CDH8: variants seen among roughly 807,000 people sequenced by gnomAD.
CDH8 encodes cadherin-8.
A neutral mutation model predicts 68.1 loss-of-function variants in CDH8; 17 were observed. The observed-to-expected ratio is 0.25, with a 90% CI of 0.17 to 0.37. The LOEUF is 0.37. Among genes scored for constraint, CDH8 ranks in the 10% least tolerant of loss-of-function variants. CDH8 has a pLI of 1.00. For missense variants in CDH8, 763 were observed against 999.3 expected, an observed-to-expected ratio of 0.76 and a Z score of 3.19; for synonymous variants, 372 against 365.1, an observed-to-expected ratio of 1.02 and a Z score of -0.21.
At chr16:61,886,452 C>T (rs1287912740) in intron 3 of CDH8, among the ~76,000 whole-genome samples, 1 of 152,202 alleles carries the variant, frequency 6.6e-6, no homozygotes, top group African/African-American at 2.4e-5. Flanking sequence ...CCAAGGCATC[C>T]AGCAGACTAC....
intron 3 of CDH8, among the ~76,000 whole-genome samples, chr16:61,862,470 A>C (rs570069596): frequency 2.6e-5 from 4 of 152,300 alleles, no homozygotes; most frequent in African/African-American, 9.6e-5. Flanking sequence ...CCATGTACTC[A>C]TCCAGAATAT....
chr16:61,677,036 T>C (rs1179411566), intron 10 of CDH8, among the ~76,000 whole-genome samples: 1 of 151,978 alleles, frequency 6.6e-6, no homozygotes, highest in Admixed American at 6.6e-5. Flanking sequence ...AAAGATGGCT[T>C]TTTATAAACC....
At position 62,005,300 on chromosome 16, in the gene CDH8, A is replaced by G. The variant is rs576068067; in HGVS notation, c.252+15852T>C. Among the ~76,000 whole-genome samples, 5 of 152,314 alleles carry G rather than the reference A, an allele frequency of 3.3e-5. No homozygotes were observed. In the South Asian group the frequency reaches 6.2e-4, roughly 19 times the overall value. On this transcript the variant is annotated intron_variant, in intron 2 of 11. Coordinates refer to ENST00000577390, the MANE Select transcript of CDH8 (RefSeq NM_001796.5). ...AACATTAGCAAAAGAATTATCCAAT[A>G]TTCTTGCATGTGTGGTTTCCTGGCC...
At chr16:62,025,713 T>C (rs1902183660) in intron 1 of CDH8, among the ~76,000 whole-genome samples, 1 of 152,188 alleles carries the variant, frequency 6.6e-6, no homozygotes, top group Non-Finnish European at 1.5e-5. Flanking sequence ...TTTGAAATAT[T>C]TATTTTTAAA....
chr16:61,694,153 A>G (rs1377874434), intron 10 of CDH8, among the ~76,000 whole-genome samples: 1 of 152,114 alleles, frequency 6.6e-6, no homozygotes, highest in East Asian at 1.9e-4. Flanking sequence ...TGTTTGTTTT[A>G]CTGGTGCCAC....
At chr16:62,013,099 C>CAAA (rs1251770673) in intron 2 of CDH8, among the ~76,000 whole-genome samples, 5 of 79,964 alleles carry the variant, frequency 6.3e-5, no homozygotes, top group Non-Finnish European at 1.3e-4. Context: ...CTAAAAAATA[C>CAAA]AAAAAATTAG....
intron 2 of CDH8, among the ~76,000 whole-genome samples, chr16:61,985,843 T>C (rs1225624239): frequency 6.6e-6 from 1 of 151,918 alleles, no homozygotes; most frequent in East Asian, 1.9e-4. Context: ...TCTCAACCTT[T>C]GCATTACCCA....
At chr16:61,904,473 T>C (rs945893470) in intron 2 of CDH8, among the ~76,000 whole-genome samples, 2 of 152,276 alleles carry the variant, frequency 1.3e-5, no homozygotes, top group South Asian at 4.1e-4. Context: ...CATGAACTAA[T>C]TCTGGTCCAG....
At chr16:61,979,343 C>T (rs1430708385) in intron 2 of CDH8, among the ~76,000 whole-genome samples, 7 of 152,158 alleles carry the variant, frequency 4.6e-5, no homozygotes. Flanking sequence ...TTAAACTGAA[C>T]TTCTCTCATT....
intron 2 of CDH8, chr16:61,918,520 G>C (rs112532466): frequency 6.6e-6 from 1 of 152,632 alleles, no homozygotes; most frequent in Non-Finnish European, 1.5e-5. Context: ...AAGGGGTCAG[G>C]GAGTTCCCTT....
At chr16:61,858,575 G>C (rs1963093488) in intron 3 of CDH8, among the ~76,000 whole-genome samples, 1 of 152,172 alleles carries the variant, frequency 6.6e-6, no homozygotes, top group Non-Finnish European at 1.5e-5. Context: ...ACAGCAGGCA[G>C]GTGTTACAGA....
intron 2 of CDH8, among the ~76,000 whole-genome samples, chr16:61,959,102 T>C (rs140455930): frequency 7.2e-5 from 11 of 152,252 alleles, no homozygotes; most frequent in African/African-American, 2.6e-4. Context: ...TTGAAATTCT[T>C]CTTTAACACA....
intron 4 of CDH8, among the ~76,000 whole-genome samples, chr16:61,849,794 C>T (rs1330208041): frequency 6.6e-6 from 1 of 152,126 alleles, no homozygotes; most frequent in Non-Finnish European, 1.5e-5. Flanking sequence ...AAGGACTTTT[C>T]TACCTACCAA....
At chr16:61,782,516 G>A (rs1961100142) in intron 8 of CDH8, among the ~76,000 whole-genome samples, 1 of 151,600 alleles carries the variant, frequency 6.6e-6, no homozygotes, top group Admixed American at 6.6e-5. Context: ...TGGGGGAGGG[G>A]CGCCCGCCAT....
rs897126914 is a variant in CDH8 at position 61,676,816 on chromosome 16, C to G, written c.1655-21095G>C. The stretch of plus-strand genomic sequence containing the variant: ...AAAAAATACTCATCAAGATGTAGAA[C>G]ATTTCCATCATCCCCCAAATTCCCT... On this transcript the variant is annotated intron_variant, in intron 10 of 11. Coordinates refer to ENST00000577390, the MANE Select transcript of CDH8 (RefSeq NM_001796.5). 5.3e-5 allele frequency among the ~76,000 whole-genome samples: 8 copies of G among 152,142 alleles called. No individual in the cohort carries two copies. In the East Asian group the frequency reaches 1.4e-3, roughly 26 times the overall value.
chr16:61,972,140 A>G (rs1965350172), intron 2 of CDH8, among the ~76,000 whole-genome samples: 1 of 152,126 alleles, frequency 6.6e-6, no homozygotes, highest in Non-Finnish European at 1.5e-5. Flanking sequence ...ATGAGATCTA[A>G]TGATTTTATA....
At chr16:61,830,331 G>C (rs912059052) in intron 4 of CDH8, among the ~76,000 whole-genome samples, 2 of 151,678 alleles carry the variant, frequency 1.3e-5, no homozygotes, top group Non-Finnish European at 2.9e-5. Context: ...ATTTAAGAAG[G>C]ATTTAAATTC....
At chr16:61,936,141 T>C (rs190146486) in intron 2 of CDH8, among the ~76,000 whole-genome samples, 139 of 152,292 alleles carry the variant, frequency 9.1e-4, no homozygotes, top group African/African-American at 3.3e-3. Flanking sequence ...ATTAAAAGAA[T>C]TTAAAGCATA....
intron 3 of CDH8, among the ~76,000 whole-genome samples, chr16:61,876,835 G>C (rs1597035260): frequency 6.6e-6 from 1 of 151,876 alleles, no homozygotes; most frequent in East Asian, 1.9e-4. Flanking sequence ...TTAATGGAAA[G>C]CACATTTGGT....
Sources: gnomAD v4.1 joint callset for allele counts (sites outside exome capture counted in the v4.1 genomes callset) on GRCh38, gnomAD v4.1.1 for gene constraint, MANE v1.5 for transcripts, NCBI Gene and HGNC (gene_info 2026-07-23, HGNC 2026-07-21) for gene names.